LEPR: variants seen among roughly 807,000 people sequenced by gnomAD.
The protein encoded by LEPR is OB receptor.
Under a neutral mutation model 114.7 loss-of-function variants are expected in LEPR, and 56 were observed. That is an observed-to-expected ratio of 0.49 (90% CI 0.39 to 0.61). The LOEUF is 0.61. Among genes scored for constraint, LEPR ranks in the 20% least tolerant of loss-of-function variants. The pLI is 0.00. For synonymous variants in LEPR, 443 were observed against 461.4 expected, an observed-to-expected ratio of 0.96 and a Z score of 0.51; for missense variants, 1,202 against 1,352.9, an observed-to-expected ratio of 0.89 and a Z score of 1.75.
chr1:65,473,192 G>A (rs989520088), intron 2 of LEPR, among the ~76,000 whole-genome samples: 1 of 152,198 alleles, frequency 6.6e-6, no homozygotes, highest in African/African-American at 2.4e-5. Context: ...TTAGTGGCAG[G>A]CAGGGATCAT....
At chr1:65,427,325 G>T (rs912246402) in intron 2 of LEPR, among the ~76,000 whole-genome samples, 5 of 152,182 alleles carry the variant, frequency 3.3e-5, no homozygotes, top group African/African-American at 1.2e-4. Flanking sequence ...TATAATCCCA[G>T]CACTTTGGGA....
chr1:65,500,814 G>A (rs936454027), intron 2 of LEPR, among the ~76,000 whole-genome samples: 3 of 152,018 alleles, frequency 2.0e-5, no homozygotes, highest in South Asian at 2.1e-4. Context: ...TAACCCCCAC[G>A]TTGTTCAACT....
chr1:65,477,661 A>G (rs758498258), intron 2 of LEPR, among the ~76,000 whole-genome samples: 6 of 152,232 alleles, frequency 3.9e-5, no homozygotes, highest in Non-Finnish European at 5.9e-5. Context: ...GCCATACTGA[A>G]GAGGCCACCT....
At chr1:65,438,548 C>CA (rs1159617552) in intron 2 of LEPR, among the ~76,000 whole-genome samples, 1,559 of 67,220 alleles carry the variant, frequency 0.023, 32 homozygotes, top group African/African-American at 0.04. Flanking sequence ...GACTCTGTCT[C>CA]AAAAAAAAAA....
At chr1:65,490,607 G>A (rs937396529) in intron 2 of LEPR, among the ~76,000 whole-genome samples, 3 of 152,062 alleles carry the variant, frequency 2.0e-5, no homozygotes, top group Non-Finnish European at 4.4e-5. Flanking sequence ...GGCTTTTAGA[G>A]GAAAGAGATA....
intron 2 of LEPR, chr1:65,432,339 G>A: frequency 1.0e-6 from 1 of 986,858 alleles, no homozygotes; most frequent in Non-Finnish European, 1.2e-6. Context: ...GCTATTAAAA[G>A]TGTGGCCCAC....
intron 2 of LEPR, among the ~76,000 whole-genome samples, chr1:65,555,395 A>T (rs2100738880): frequency 6.6e-6 from 1 of 152,322 alleles, no homozygotes. Context: ...GGAAAGAGTC[A>T]TGTGGTGCGG....
chr1:65,555,490 A>G (rs1049404179), intron 2 of LEPR, among the ~76,000 whole-genome samples: 2 of 152,196 alleles, frequency 1.3e-5, no homozygotes, highest in African/African-American at 4.8e-5. Context: ...AAGTAGGGTT[A>G]TGGAGCACAT....
intron 4 of LEPR, among the ~76,000 whole-genome samples, chr1:65,571,570 G>A (rs1557669987): frequency 2.0e-5 from 3 of 150,854 alleles, no homozygotes; most frequent in Admixed American, 6.6e-5. Context: ...CCTTAAAAGC[G>A]TGATGATTGG....
intron 14 of LEPR, 73 bp downstream of exon 14, chr1:65,610,369 C>T: frequency 8.1e-7 from 1 of 1,233,220 alleles, no homozygotes; most frequent in Non-Finnish European, 1.2e-6. Context: ...GGTCCATAAT[C>T]CTGTTATTAA....
At chr1:65,432,317 G>A in intron 2 of LEPR, 2 of 990,876 alleles carry the variant, frequency 2.0e-6, no homozygotes, top group Non-Finnish European at 2.4e-6. Flanking sequence ...CCCTCTTTGT[G>A]TTGTAGTCCA....
At chr1:65,486,855 C>G (rs1447294309) in intron 2 of LEPR, among the ~76,000 whole-genome samples, 4 of 152,162 alleles carry the variant, frequency 2.6e-5, no homozygotes, top group Admixed American at 2.6e-4. Context: ...GCCCGTGGCT[C>G]CAGTTTCCAT....
intron 12 of LEPR, 69 bp downstream of exon 12, chr1:65,608,970 G>C (rs1275658551): frequency 7.6e-6 from 12 of 1,573,640 alleles, no homozygotes; most frequent in Non-Finnish European, 1.0e-5. Context: ...GAGTTTAATT[G>C]CATTAGATTA....
At chr1:65,453,839 T>A (rs968194234) in intron 2 of LEPR, among the ~76,000 whole-genome samples, 1 of 151,988 alleles carries the variant, frequency 6.6e-6, no homozygotes, top group Non-Finnish European at 1.5e-5. Context: ...GGTATCCTTG[T>A]TGACTTTCTG....
At chr1:65,537,556 T>C (rs1192599658) in intron 2 of LEPR, among the ~76,000 whole-genome samples, 3 of 152,136 alleles carry the variant, frequency 2.0e-5, no homozygotes, top group Non-Finnish European at 4.4e-5. Context: ...CCTCCACATA[T>C]ATTAATTTTA....
Position 65,636,819 on chromosome 1 carries a change from C to T in LEPR, c.3302C>T (p.Ser1101Leu), listed in dbSNP as rs267598694. The T allele has an allele frequency of 2.4e-5, 39 of 1,613,682 alleles. No homozygotes were observed. The highest frequency in any genetic ancestry group is 2.9e-5 in the Non-Finnish European group (34 of 1,179,910). The change falls in exon 20 of 20, where the codon TCG becomes TTG. Residue 1101 changes from serine to leucine, a missense_variant. Transcript: ENST00000349533. ...GVLLTDKSRV[S>L]CPFPAPCLFT... is the part of the protein sequence containing the mutation. ...CTTTTGACTGACAAGTCAAGGGTAT[C>T]GTGCCCATTCCCAGCCCCCTGTTTA...
At chr1:65,472,641 CACACACAT>C (rs996118177) in intron 2 of LEPR, among the ~76,000 whole-genome samples, 4 of 134,424 alleles carry the variant, frequency 3.0e-5, no homozygotes, top group Non-Finnish European at 7.0e-5. Context: ...CACACACACA[CACACACAT>C]ATATTTCTTT....
chr1:65,539,426 G>A (rs1054937109), intron 2 of LEPR, among the ~76,000 whole-genome samples: 2 of 152,050 alleles, frequency 1.3e-5, no homozygotes, highest in South Asian at 4.1e-4. Context: ...CTGTGCATAT[G>A]GGCAGTGTTT....
chr1:65,554,319 C>T (rs1239941462), intron 2 of LEPR, among the ~76,000 whole-genome samples: 1 of 152,156 alleles, frequency 6.6e-6, no homozygotes. Context: ...CCACATTCTT[C>T]CCCCAGGGAG....
Sources: allele counts gnomAD v4.1 joint callset (sites outside exome capture counted in the v4.1 genomes callset), GRCh38; gene constraint gnomAD v4.1.1; transcripts MANE v1.5; gene names NCBI Gene and HGNC (gene_info 2026-07-23, HGNC 2026-07-21).